Variants in AGXT2 observed in about 807,000 individuals in gnomAD.
The protein encoded by AGXT2 is alanine--glyoxylate aminotransferase 2, mitochondrial.
A neutral mutation model predicts 62.5 loss-of-function variants in AGXT2; 61 were observed. The ratio of observed to expected loss-of-function variants is 0.98; its 90% CI spans 0.79 to 1.21. AGXT2 has a LOEUF of 1.21. Ranked by LOEUF, AGXT2 falls within the 50% of genes most tolerant of loss-of-function variation. AGXT2 has a pLI of 0.00. For synonymous variants in AGXT2, 243 were observed against 218.7 expected (o/e 1.11, Z -0.98); for missense variants, 666 against 641.5 (o/e 1.04, Z -0.41).
chr5:35,006,855 T>A (rs1469278737), intron 12 of AGXT2, among the ~76,000 whole-genome samples: 1 of 152,174 alleles, frequency 6.6e-6, no homozygotes, highest in African/African-American at 2.4e-5. Context: ...TGTGGTTTGA[T>A]GTGTTGCAGG....
At position 35,032,804 on chromosome 5, in the gene AGXT2, G is replaced by A. The variant is rs760978202; in HGVS notation, c.697C>T (p.Arg233Cys). 16 of 1,606,518 alleles carry A rather than the reference G, an allele frequency of 1.0e-5. 1 individual carries two copies. Among genetic ancestry groups the A allele is most frequent in the South Asian group, 5.6e-5 (5 of 89,350 alleles). The change falls in exon 7 of 14, where the codon CGT (arginine) becomes TGT (cysteine). Residue 233 changes from arginine (R) to cysteine (C), a missense_variant. Transcript: ENST00000231420. ...CAGTGGCTTCCTCCCCAAGGGCCAC[G>A]AAAAACATCTGGACACATTGTCTGC... Reference protein sequence around the residue: ...CQPTMCPDVFRGPWGGSHCRD... With the variant: ...CQPTMCPDVFCGPWGGSHCRD...
intron 7 of AGXT2, among the ~76,000 whole-genome samples, chr5:35,028,259 T>C (rs1490702275): frequency 6.6e-6 from 1 of 152,196 alleles, no homozygotes; most frequent in Non-Finnish European, 1.5e-5. Flanking sequence ...GATTTTTTAG[T>C]TGTTTTCCAC....
At chr5:35,035,980 G>T (rs965753114) in intron 4 of AGXT2, among the ~76,000 whole-genome samples, 4 of 152,132 alleles carry the variant, frequency 2.6e-5, no homozygotes, top group Non-Finnish European at 5.9e-5. Context: ...GGGGGGCTGA[G>T]GCAGGAGAAT....
chr5:35,018,484 G>A (rs1021102769), intron 9 of AGXT2, among the ~76,000 whole-genome samples: 6 of 152,036 alleles, frequency 3.9e-5, no homozygotes, highest in African/African-American at 1.5e-4. Flanking sequence ...AGCTTCATAA[G>A]TGAAAGAGAA....
chr5:35,040,578 G>T lies in AGXT2; in HGVS notation c.174C>A (p.Tyr58Ter). 1 of 1,613,224 alleles carries T rather than the reference G, an allele frequency of 6.2e-7. No homozygotes were observed. Among genetic ancestry groups the T allele is most frequent in the South Asian group, 1.1e-5 (1 of 91,038 alleles). ...MPPCDFMPER[Y>*]QSLGYNRVLE... ...TTCTTAAAGCCCTGAATCTCACCTG[G>T]TATCTTTCAGGCATGAAGTCACATG... The change falls in exon 2 of 14, where the codon TAC (tyrosine) becomes TAA (stop). Residue 58 changes from tyrosine to a stop codon, truncating the protein, a stop_gained. Transcript: ENST00000231420. LOFTEE classifies it high-confidence loss of function.
rs1766113762 is a variant in AGXT2 at position 34,998,598 on chromosome 5, A to G, written c.*121T>C. 2 of 779,746 alleles carry G rather than the reference A, an allele frequency of 2.6e-6. No individual in the cohort carries two copies. The highest frequency in any genetic ancestry group is 5.3e-5 in the East Asian group (2 of 37,718). 48.3% of individuals were successfully genotyped at this position (779,746 alleles called of 1,614,324 possible). On this transcript the variant is annotated 3_prime_UTR_variant, in exon 14 of 14. Coordinates refer to ENST00000231420, the MANE Select transcript of AGXT2 (RefSeq NM_031900.4). ...GTAGGCAGTCAACCATGACTTTTACAGCTCCTGTGGAGAGCTGCAGGCTTT... is the reference window on the plus strand; with the variant it reads ...GTAGGCAGTCAACCATGACTTTTACGGCTCCTGTGGAGAGCTGCAGGCTTT...
At chr5:35,045,914 T>G (rs1226385378) in intron 1 of AGXT2, among the ~76,000 whole-genome samples, 1 of 151,958 alleles carries the variant, frequency 6.6e-6, no homozygotes, top group Non-Finnish European at 1.5e-5. Context: ...ACTACAGGCG[T>G]TCGCCACCAT....
chr5:35,003,966 CT>C (rs538869439), intron 12 of AGXT2, 105 bp from the exon 13 acceptor site: 21 of 990,740 alleles, frequency 2.1e-5, no homozygotes, highest in African/African-American at 3.3e-5. Context: ...CAATGCCCCT[CT>C]TTTTTTTCTC....
intron 13 of AGXT2, among the ~76,000 whole-genome samples, chr5:35,002,192 A>G (rs938422344): frequency 1.4e-5 from 2 of 139,246 alleles, no homozygotes; most frequent in African/African-American, 5.1e-5. Context: ...ACAGAAAAAT[A>G]TTTATGACCT....
At chr5:35,047,656 G>T in intron 1 of AGXT2, 149 bp downstream of exon 1, 1 of 992,322 alleles carries the variant, frequency 1.0e-6, no homozygotes, top group Non-Finnish European at 1.4e-6. Context: ...ATTGACTCAG[G>T]GTGAGAACCT....
At chr5:35,007,111 A>G (rs757560455) in intron 12 of AGXT2, among the ~76,000 whole-genome samples, 6 of 152,058 alleles carry the variant, frequency 3.9e-5, no homozygotes, top group Non-Finnish European at 8.8e-5. Flanking sequence ...CAAGAGTGGA[A>G]CCCTCATGAA....
intron 9 of AGXT2, among the ~76,000 whole-genome samples, chr5:35,020,199 G>A (rs1767012876): frequency 6.6e-6 from 1 of 152,138 alleles, no homozygotes. Flanking sequence ...CAGAAAAAGA[G>A]GGAATCCTCC....
rs992346135 is a variant in AGXT2, at chr5:35,032,629, C to T, written c.769+103G>A. On this transcript the variant is annotated intron_variant, in intron 7 of 13. Transcript: ENST00000231420. ...TTGCTTCCTCTGGCTTTTCCCTTTTCCATGTTTTCAAATTCAATTGTTCCC... is the reference window on the plus strand; with the variant it reads ...TTGCTTCCTCTGGCTTTTCCCTTTTTCATGTTTTCAAATTCAATTGTTCCC... The T allele has an allele frequency of 1.2e-5, 13 of 1,124,558 alleles. No individual in the cohort carries two copies. In the African/African-American group the frequency reaches 2.0e-4, roughly 17 times the overall value. 69.7% of individuals were successfully genotyped at this position (1,124,558 alleles called of 1,614,324 possible).
chr5:35,002,206 C>A (rs1395628752), intron 13 of AGXT2, among the ~76,000 whole-genome samples: 1 of 92,460 alleles, frequency 1.1e-5, no homozygotes, highest in Admixed American at 1.1e-4. Flanking sequence ...ATGACCTGGA[C>A]TAGAAAAAAA....
At chr5:35,008,630 C>T (rs1766516059) in intron 12 of AGXT2, among the ~76,000 whole-genome samples, 1 of 152,200 alleles carries the variant, frequency 6.6e-6, no homozygotes, top group Non-Finnish European at 1.5e-5. Flanking sequence ...GGACCTTAGT[C>T]TCATATTACC....
intron 1 of AGXT2, among the ~76,000 whole-genome samples, chr5:35,045,769 T>TTC (rs1768173036): frequency 2.9e-5 from 1 of 34,506 alleles, no homozygotes; most frequent in African/African-American, 8.0e-5. Context: ...TTTTTCTTTT[T>TTC]TTTTTTTTTT....
chr5:35,001,462 T>A (rs1766222715), intron 13 of AGXT2, among the ~76,000 whole-genome samples: 1 of 152,236 alleles, frequency 6.6e-6, no homozygotes, highest in Non-Finnish European at 1.5e-5. Context: ...GAGGACAGAT[T>A]CTGAAATCAG....
chr5:35,045,757 CTTTTTT>C (rs1168852352), intron 1 of AGXT2, among the ~76,000 whole-genome samples: 9 of 63,602 alleles, frequency 1.4e-4, no homozygotes, highest in Non-Finnish European at 1.9e-4. Flanking sequence ...TTTTCTTTTT[CTTTTTT>C]CTTTTTTTTT....
At position 34,998,582 on chromosome 5, in the gene AGXT2, C is replaced by A. The variant is rs1766113358; in HGVS notation, c.*137G>T. Reference sequence around the variant, plus strand: ...CTAACAAATATGGTTGGTAGGCAGTCAACCATGACTTTTACAGCTCCTGTG... The same window carrying A: ...CTAACAAATATGGTTGGTAGGCAGTAAACCATGACTTTTACAGCTCCTGTG... On this transcript the variant is annotated 3_prime_UTR_variant, in exon 14 of 14. Coordinates refer to ENST00000231420, the MANE Select transcript of AGXT2 (RefSeq NM_031900.4). 2.8e-6 allele frequency: 2 copies of A among 711,336 alleles called. No individual in the cohort carries two copies. The highest frequency in any genetic ancestry group is 2.7e-5 in the East Asian group (1 of 37,270). The allele number at this position is 711,336 out of a possible 1,614,324, so 44.1% of individuals were successfully genotyped here.
Sources: gnomAD v4.1 joint callset for allele counts (sites outside exome capture counted in the v4.1 genomes callset) on GRCh38, gnomAD v4.1.1 for gene constraint, MANE v1.5 for transcripts, NCBI Gene and HGNC (gene_info 2026-07-23, HGNC 2026-07-21) for gene names.